Variants in IRAK1BP1 observed in about 807,000 individuals in gnomAD.
The protein encoded by IRAK1BP1 is interleukin-1 receptor-associated kinase 1-binding protein 1.
IRAK1BP1 carries 24 observed loss-of-function variants against 28.0 expected under a neutral mutation model. That is an observed-to-expected ratio of 0.86 (90% CI 0.62 to 1.20). The LOEUF (loss-of-function observed/expected upper bound fraction) is 1.20, where lower values mean the gene tolerates loss of function less well. Among genes scored for constraint, IRAK1BP1 ranks in the 50% most tolerant of loss-of-function variants. The pLI is 0.00. For missense variants in IRAK1BP1, 336 were observed against 316.7 expected (o/e 1.06, Z -0.46); for synonymous variants, 131 against 116.3 (o/e 1.13, Z -0.81).
chr6:78,948,293 C>T (rs1424848877), downstream of IRAK1BP1, among the ~76,000 whole-genome samples: 1 of 151,948 alleles, frequency 6.6e-6, no homozygotes, highest in Non-Finnish European at 1.5e-5. Context: ...TAAAGAATTA[C>T]GAATGTAAAT....
intron 4 of IRAK1BP1, among the ~76,000 whole-genome samples, chr6:78,919,288 G>GA (rs35777909): frequency 1.3e-5 from 2 of 152,090 alleles, no homozygotes; most frequent in East Asian, 1.9e-4. Context: ...AGAGGAACTA[G>GA]AAAAACAAGA....
intron 4 of IRAK1BP1, among the ~76,000 whole-genome samples, chr6:78,925,390 C>G (rs937119559): frequency 2.0e-5 from 3 of 152,098 alleles, no homozygotes; most frequent in Non-Finnish European, 4.4e-5. Flanking sequence ...TGAACGGACA[C>G]TTCTCAAATA....
intron 4 of IRAK1BP1, among the ~76,000 whole-genome samples, chr6:78,922,354 A>G (rs908462002): frequency 6.6e-6 from 1 of 152,198 alleles, no homozygotes; most frequent in African/African-American, 2.4e-5. Context: ...TGAAATGAAG[A>G]GAGAAGAGAA....
chr6:78,958,444 TATC>T, the IRAK1BP1 span: 2 of 1,263,074 alleles, frequency 1.6e-6, no homozygotes, highest in Non-Finnish European at 2.3e-6. Context: ...TTATTAAAAC[TATC>T]ATAATTACAT....
At chr6:78,916,335 C>T (rs901299114) in intron 4 of IRAK1BP1, among the ~76,000 whole-genome samples, 10 of 151,888 alleles carry the variant, frequency 6.6e-5, no homozygotes, top group Admixed American at 2.0e-4. Flanking sequence ...GCAAGAAGGT[C>T]CTCTTGGTGG....
intron 2 of IRAK1BP1, among the ~76,000 whole-genome samples, chr6:78,893,308 G>GTATATA (rs1247307680): frequency 1.1e-5 from 1 of 87,798 alleles, no homozygotes; most frequent in African/African-American, 4.2e-5. Context: ...GTGTGTGTGT[G>GTATATA]TGTGTGTATA....
chr6:78,904,026 A>G (rs1391556257), downstream of IRAK1BP1, among the ~76,000 whole-genome samples: 2 of 152,214 alleles, frequency 1.3e-5, no homozygotes, highest in African/African-American at 4.8e-5. Context: ...TAAGGAGGAA[A>G]AAAGTTGGCT....
intron 1 of IRAK1BP1, among the ~76,000 whole-genome samples, chr6:78,880,796 A>G (rs1212023869): frequency 6.6e-6 from 1 of 152,174 alleles, no homozygotes; most frequent in Non-Finnish European, 1.5e-5. Context: ...TTACTTGTCA[A>G]TAGGGAAATG....
At chr6:78,941,384 T>A (rs1773494197) in intron 4 of IRAK1BP1, 7 of 1,351,454 alleles carry the variant, frequency 5.2e-6, no homozygotes, top group Non-Finnish European at 7.1e-6. Flanking sequence ...TTTGTTTGAC[T>A]CTCAAACTTG....
the IRAK1BP1 span, among the ~76,000 whole-genome samples, chr6:78,951,578 C>T: frequency 6.6e-6 from 1 of 152,242 alleles, no homozygotes; most frequent in African/African-American, 2.4e-5. Context: ...AACAAAACAA[C>T]AAACCTCCAT....
chr6:78,958,727 T>C, the IRAK1BP1 span: 1 of 655,286 alleles, frequency 1.5e-6, no homozygotes, highest in South Asian at 1.8e-5. Flanking sequence ...ATTGGTCTTA[T>C]AAAGTCATTT....
At chr6:78,881,442 G>T (rs1771224193) in intron 1 of IRAK1BP1, among the ~76,000 whole-genome samples, 1 of 152,052 alleles carries the variant, frequency 6.6e-6, no homozygotes, top group South Asian at 2.1e-4. Context: ...GTACTGGAGT[G>T]GTACATACAT....
chr6:78,975,945 C>G, the IRAK1BP1 span, among the ~76,000 whole-genome samples: 1 of 151,376 alleles, frequency 6.6e-6, no homozygotes, highest in Non-Finnish European at 1.5e-5. Context: ...AATGGCCATA[C>G]TGCCCAAGGT....
chr6:78,871,276 T>C, intron 1 of IRAK1BP1: 1 of 985,284 alleles, frequency 1.0e-6, no homozygotes, highest in African/African-American at 1.7e-5. Flanking sequence ...CACAAAAGTG[T>C]TTCGGTCACT....
rs1562085757 is a variant in IRAK1BP1 at position 78,893,308 on chromosome 6, GTGTGTGTATATATATA to G, written c.382-4519_382-4504del. Among the ~76,000 whole-genome samples, 183 of 87,780 alleles carry G rather than the reference GTGTGTGTATATATATA, an allele frequency of 2.1e-3. 2 individuals carry two copies. Among genetic ancestry groups the G allele is most frequent in the African/African-American group, 6.9e-3 (163 of 23,704 alleles). 57.6% of individuals were successfully genotyped at this position (87,780 alleles called of 152,430 possible). On this transcript the variant is annotated intron_variant, in intron 2 of 3. Coordinates refer to ENST00000369940, the MANE Select transcript of IRAK1BP1 (RefSeq NM_001010844.4). ...TGTGTATATATGTGTGTGTGTGTGT[GTGTGTGTATATATATA>G]TATATATATATATATATATATATAT...
At chr6:78,895,384 C>A (rs1468910238) in intron 2 of IRAK1BP1, among the ~76,000 whole-genome samples, 1 of 151,844 alleles carries the variant, frequency 6.6e-6, no homozygotes, top group Admixed American at 6.6e-5. Flanking sequence ...AGAAGATAAC[C>A]AGAAAAATAC....
chr6:78,871,158 T>G, intron 1 of IRAK1BP1: 1 of 540,138 alleles, frequency 1.9e-6, no homozygotes, highest in Non-Finnish European at 2.4e-6. Context: ...GTAGATTTGG[T>G]ATATAGTGAA....
chr6:78,931,083 TA>T (rs1448245883), intron 4 of IRAK1BP1, among the ~76,000 whole-genome samples: 1 of 152,216 alleles, frequency 6.6e-6, no homozygotes. Context: ...AATTGGATCT[TA>T]AATTTAGAAA....
intron 4 of IRAK1BP1, among the ~76,000 whole-genome samples, chr6:78,934,388 G>A (rs543795307): frequency 1.3e-4 from 20 of 152,230 alleles, no homozygotes; most frequent in African/African-American, 4.3e-4. Context: ...CCAGTTATCT[G>A]CAAAGTGCAA....
Sources: gnomAD v4.1 joint callset for allele counts (sites outside exome capture counted in the v4.1 genomes callset) on GRCh38, gnomAD v4.1.1 for gene constraint, MANE v1.5 for transcripts, NCBI Gene and HGNC (gene_info 2026-07-23, HGNC 2026-07-21) for gene names.